GRID2: variants seen among roughly 807,000 people sequenced by gnomAD.
The protein encoded by GRID2 is glutamate receptor ionotropic, delta-2.
GRID2 carries 33 observed loss-of-function variants against 114.8 expected under a neutral mutation model. That is an observed-to-expected ratio of 0.29 (90% confidence interval 0.22 to 0.38). The LOEUF is 0.38. GRID2 is among the 10% of genes least tolerant of loss of function. The pLI, the probability that GRID2 is intolerant of heterozygous loss-of-function variation, is 1.00. For missense variants in GRID2, 1,184 were observed against 1,257.7 expected (o/e 0.94, Z 0.89); for synonymous variants, 505 against 449.9 (o/e 1.12, Z -1.55).
intron 8 of GRID2, among the ~76,000 whole-genome samples, chr4:93,264,962 T>C (rs1750654702): frequency 6.6e-6 from 1 of 151,534 alleles, no homozygotes; most frequent in African/African-American, 2.4e-5. Flanking sequence ...TTTGTATTTT[T>C]AGTAGAGACG....
chr4:93,597,941 T>G (rs190262738), intron 13 of GRID2, among the ~76,000 whole-genome samples: 39 of 152,336 alleles, frequency 2.6e-4, no homozygotes, highest in Admixed American at 2.2e-3. Flanking sequence ...TATAAACTGT[T>G]GCATTGAAAG....
At chr4:92,658,537 T>C (rs1041565418) in intron 2 of GRID2, among the ~76,000 whole-genome samples, 1 of 151,680 alleles carries the variant, frequency 6.6e-6, no homozygotes, top group African/African-American at 2.4e-5. Flanking sequence ...ATCACATTAA[T>C]TAATGCTTAC....
chr4:93,438,310 G>T (rs1365010764), intron 10 of GRID2, among the ~76,000 whole-genome samples: 2 of 152,106 alleles, frequency 1.3e-5, no homozygotes, highest in Non-Finnish European at 2.9e-5. Context: ...CCGAATGGCA[G>T]CTTCTGCCTG....
intron 13 of GRID2, among the ~76,000 whole-genome samples, chr4:93,521,747 G>C (rs1054007069): frequency 6.6e-6 from 1 of 152,040 alleles, no homozygotes; most frequent in Non-Finnish European, 1.5e-5. Flanking sequence ...GAATCACCAA[G>C]AATAAACACA....
intron 2 of GRID2, among the ~76,000 whole-genome samples, chr4:92,778,065 C>T (rs1413862151): frequency 6.6e-6 from 1 of 152,072 alleles, no homozygotes; most frequent in Non-Finnish European, 1.5e-5. Flanking sequence ...GCCCAGGATG[C>T]TGCTGAACAT....
chr4:93,546,197 G>C (rs954000300), intron 13 of GRID2, among the ~76,000 whole-genome samples: 3 of 152,184 alleles, frequency 2.0e-5, no homozygotes, highest in African/African-American at 7.2e-5. Context: ...GAAAGAAATA[G>C]GTTTGGAGGA....
At chr4:92,588,542 G>T (rs910070736) in intron 1 of GRID2, among the ~76,000 whole-genome samples, 1 of 151,670 alleles carries the variant, frequency 6.6e-6, no homozygotes, top group Non-Finnish European at 1.5e-5. Flanking sequence ...AGCTGGGCGC[G>T]GTGGCAGGTG....
chr4:92,786,479 A>G (rs981345114), intron 2 of GRID2, among the ~76,000 whole-genome samples: 6 of 151,834 alleles, frequency 4.0e-5, no homozygotes, highest in African/African-American at 1.4e-4. Flanking sequence ...GCCCCTAGAT[A>G]TGTGCTGTCA....
At chr4:93,383,687 G>A (rs188078890) in intron 8 of GRID2, among the ~76,000 whole-genome samples, 35 of 152,264 alleles carry the variant, frequency 2.3e-4, no homozygotes, top group East Asian at 7.7e-4. Context: ...GACTATGGCT[G>A]TGAGAAATGT....
chr4:93,526,912 C>G (rs28675875), intron 13 of GRID2, among the ~76,000 whole-genome samples: 27,216 of 152,184 alleles, frequency 0.18, 3,146 homozygotes, highest in Non-Finnish European at 0.26. Context: ...TGTTTAATTT[C>G]CATTTTGACT....
At chr4:93,303,026 A>G (rs1461404793) in intron 8 of GRID2, among the ~76,000 whole-genome samples, 4 of 152,182 alleles carry the variant, frequency 2.6e-5, no homozygotes, top group Non-Finnish European at 5.9e-5. Flanking sequence ...GCCTCAGGAC[A>G]CTTACATCAT....
At chr4:92,467,376 A>G (rs62310662) in intron 1 of GRID2, among the ~76,000 whole-genome samples, 8 of 151,988 alleles carry the variant, frequency 5.3e-5, no homozygotes, top group Non-Finnish European at 1.2e-4. Flanking sequence ...TCTTTTTAAA[A>G]TGATACTTCG....
intron 9 of GRID2, among the ~76,000 whole-genome samples, chr4:93,412,236 C>T (rs1025969151): frequency 2.0e-5 from 3 of 151,064 alleles, no homozygotes; most frequent in Admixed American, 6.6e-5. Flanking sequence ...CCATCCCCCC[C>T]CCCCAAAAAA....
rs574944885 is a variant in GRID2, at chr4:93,535,747, T to C, written c.2193+20336T>C. On this transcript the variant is annotated intron_variant, in intron 13 of 15. Transcript: ENST00000282020. ...TTGCCCATTTTTTATTTGGGTTAAT[T>C]GTTTTCTTTTAATTTAGTTGTTTGA... 3.3e-5 allele frequency among the ~76,000 whole-genome samples: 5 copies of C among 152,218 alleles called. No individual in the cohort carries two copies. In the East Asian group the frequency reaches 9.7e-4, roughly 29 times the overall value.
intron 1 of GRID2, among the ~76,000 whole-genome samples, chr4:92,570,823 G>A (rs1172676445): frequency 6.6e-6 from 1 of 152,024 alleles, no homozygotes; most frequent in African/African-American, 2.4e-5. Context: ...TGCTAAAATT[G>A]TGTATCAGTT....
chr4:93,139,055 TCC>T (rs1735523664), intron 4 of GRID2, among the ~76,000 whole-genome samples: 2 of 152,318 alleles, frequency 1.3e-5, no homozygotes, highest in Admixed American at 1.3e-4. Context: ...TAAATCAGGC[TCC>T]AATCAAAAAC....
chr4:92,372,731 C>A (rs1729176360), intron 1 of GRID2, among the ~76,000 whole-genome samples: 1 of 152,038 alleles, frequency 6.6e-6, no homozygotes, highest in Admixed American at 6.6e-5. Context: ...AGTCACTTAA[C>A]AAATACACAT....
rs141091764 is a variant in GRID2, at chr4:92,369,368, T to A, written c.88+64624T>A. ...ACATAGAAAGGTGACTTATCTGAGA[T>A]CATAACCAATTCAATTGTTAAATAT... is the stretch of plus-strand genomic sequence containing the variant. On this transcript the variant is annotated intron_variant, in intron 1 of 15. Transcript: ENST00000282020. 3.3e-5 allele frequency among the ~76,000 whole-genome samples: 5 copies of A among 152,274 alleles called. No individual in the cohort carries two copies. In the East Asian group the frequency reaches 9.6e-4, roughly 29 times the overall value.
At chr4:93,359,437 A>G (rs1461415225) in intron 8 of GRID2, among the ~76,000 whole-genome samples, 1 of 151,754 alleles carries the variant, frequency 6.6e-6, no homozygotes, top group Non-Finnish European at 1.5e-5. Flanking sequence ...AAACAATCCA[A>G]TCACATTCTT....
Sources: allele counts gnomAD v4.1 joint callset (sites outside exome capture counted in the v4.1 genomes callset), GRCh38; gene constraint gnomAD v4.1.1; transcripts MANE v1.5; gene names NCBI Gene and HGNC (gene_info 2026-07-23, HGNC 2026-07-21).